The following TENM3 variants were observed in gnomAD, a reference collection of about 807,000 sequenced individuals.
TENM3 encodes teneurin-3.
Under a neutral mutation model 255.1 loss-of-function variants are expected in TENM3, and 63 were observed. The ratio of observed to expected loss-of-function variants is 0.25; its 90% confidence interval spans 0.20 to 0.30. TENM3 has a LOEUF of 0.30. Among genes scored for constraint, TENM3 ranks in the 10% least tolerant of loss-of-function variants. TENM3 has a pLI of 1.00. For synonymous variants in TENM3, 1,306 were observed against 1,322.3 expected (o/e 0.99, Z 0.27); for missense variants, 2,929 against 3,461.1 (o/e 0.85, Z 3.86).
At position 182,701,210 on chromosome 4, in the gene TENM3, C is replaced by CTTTTTTTTT. The variant is rs35538818; in HGVS notation, c.2222-12857_2222-12849dup. 9.5e-3 allele frequency among the ~76,000 whole-genome samples: 366 copies of CTTTTTTTTT among 38,668 alleles called. 136 individuals carry two copies. Among genetic ancestry groups the CTTTTTTTTT allele is most frequent in the South Asian group, 0.019 (12 of 626 alleles). 25.4% of individuals were successfully genotyped at this position (38,668 alleles called of 152,430 possible). ...TTTTCACATACAGTCCAACTCTTGA[C>CTTTTTTTTT]TTTTTTTTTTTTTTTTTTTTTTTTT... On this transcript the variant is annotated intron_variant, in intron 12 of 27. Coordinates refer to ENST00000511685, the MANE Select transcript of TENM3 (RefSeq NM_001080477.4).
the TENM3 span, among the ~76,000 whole-genome samples, chr4:181,904,130 A>G: frequency 6.6e-6 from 1 of 152,136 alleles, no homozygotes; most frequent in African/African-American, 2.4e-5. Flanking sequence ...TTCAGTATCA[A>G]GATCTCTTCT....
intron 24 of TENM3, among the ~76,000 whole-genome samples, chr4:182,784,288 T>G (rs890765405): frequency 1.3e-5 from 2 of 152,104 alleles, no homozygotes; most frequent in Admixed American, 6.6e-5. Flanking sequence ...GACCCTCAGC[T>G]GCAGGTCTGT....
chr4:182,195,049 A>ACACT (rs1753756964), intron 1 of TENM3, among the ~76,000 whole-genome samples: 1 of 151,812 alleles, frequency 6.6e-6, no homozygotes, highest in Non-Finnish European at 1.5e-5. Flanking sequence ...ACACACACAC[A>ACACT]CACACACACA....
chr4:182,653,636 T>G (rs956194030), intron 5 of TENM3, 135 bp from the exon 6 acceptor site: 9 of 936,690 alleles, frequency 9.6e-6, no homozygotes, highest in Admixed American at 3.4e-5. Context: ...TAATTTTCAT[T>G]GCGCAGTTAT....
chr4:182,616,682 T>G (rs1384020859), intron 4 of TENM3, among the ~76,000 whole-genome samples: 1 of 151,882 alleles, frequency 6.6e-6, no homozygotes, highest in Non-Finnish European at 1.5e-5. Flanking sequence ...GCCTCTGCAG[T>G]CTTTCAGTTC....
At chr4:182,338,328 GC>G (rs1326165220) in intron 2 of TENM3, among the ~76,000 whole-genome samples, 1 of 152,102 alleles carries the variant, frequency 6.6e-6, no homozygotes, top group Non-Finnish European at 1.5e-5. Flanking sequence ...AAGGCATTTT[GC>G]CCATTAAGAT....
chr4:182,743,386 C>G lies in TENM3; in HGVS notation c.3596C>G (p.Pro1199Arg), dbSNP rs199716221. ...GDFNYVRRIF[P>R]SGNVTSVLEL... Reference sequence around the variant, plus strand: ...TTCAACTATGTGCGGCGGATATTCCCTTCTGGAAATGTAACAAGTGTCTTA... The same window carrying G: ...TTCAACTATGTGCGGCGGATATTCCGTTCTGGAAATGTAACAAGTGTCTTA... The change falls in exon 19 of 28, where the codon CCT becomes CGT. Residue 1199 changes from proline to arginine, a missense_variant. Transcript: ENST00000511685. The G allele has an allele frequency of 1.1e-4, 179 of 1,613,880 alleles. 1 individual carries two copies. In the East Asian group the frequency reaches 4.0e-3, roughly 36 times the overall value.
chr4:181,778,406 G>A, the TENM3 span, among the ~76,000 whole-genome samples: 2 of 152,092 alleles, frequency 1.3e-5, no homozygotes, highest in Non-Finnish European at 2.9e-5. Flanking sequence ...ATTTATAGAA[G>A]CATCCGCTTC....
the TENM3 span, among the ~76,000 whole-genome samples, chr4:181,750,658 C>T: frequency 6.6e-6 from 1 of 152,136 alleles, no homozygotes; most frequent in African/African-American, 2.4e-5. Context: ...AGATTGTTCC[C>T]CACCAAATAT....
the TENM3 span, among the ~76,000 whole-genome samples, chr4:181,923,573 A>G: frequency 1.3e-5 from 2 of 152,206 alleles, no homozygotes; most frequent in African/African-American, 4.8e-5. Context: ...AAAGCCGATT[A>G]TTAGCCCCCA....
chr4:182,193,614 T>C (rs2149795866), intron 1 of TENM3, among the ~76,000 whole-genome samples: 1 of 152,332 alleles, frequency 6.6e-6, no homozygotes, highest in South Asian at 2.1e-4. Flanking sequence ...AGCATTTTCA[T>C]CTATAATTAC....
At chr4:181,694,571 T>A in the TENM3 span, among the ~76,000 whole-genome samples, 4 of 152,310 alleles carry the variant, frequency 2.6e-5, no homozygotes, top group African/African-American at 9.6e-5. Flanking sequence ...TCTTTACAGG[T>A]TGCTTTCAGT....
At chr4:182,631,766 A>G (rs1403826890) in intron 5 of TENM3, 2 of 152,182 alleles carry the variant, frequency 1.3e-5, no homozygotes, top group Non-Finnish European at 2.9e-5. Flanking sequence ...GACCGTTAAT[A>G]TACAGTAAAA....
chr4:181,971,282 A>G, the TENM3 span, among the ~76,000 whole-genome samples: 1 of 152,172 alleles, frequency 6.6e-6, no homozygotes, highest in African/African-American at 2.4e-5. Flanking sequence ...GCCCCTTCAT[A>G]CTCTGTACCT....
At chr4:182,437,021 T>G (rs1052615731) in intron 3 of TENM3, among the ~76,000 whole-genome samples, 1 of 60,116 alleles carries the variant, frequency 1.7e-5, no homozygotes. Context: ...AGAACGAAAC[T>G]CCGCCTCCAA....
At chr4:182,448,567 G>A (rs1385830488) in intron 3 of TENM3, among the ~76,000 whole-genome samples, 1 of 152,202 alleles carries the variant, frequency 6.6e-6, no homozygotes, top group African/African-American at 2.4e-5. Context: ...TTGTGAGCAC[G>A]GGAAAGTAGC....
rs187124862 is a variant in TENM3, at chr4:182,735,508, G to A, written c.2968-1300G>A. On this transcript the variant is annotated intron_variant, in intron 16 of 27. Coordinates refer to ENST00000511685, the MANE Select transcript of TENM3 (RefSeq NM_001080477.4). ...TCATCTTTAACTGTTCTATGTGGAG[G>A]TGGTGGGGAAAGGGGAAACATTGCT... 4.0e-3 allele frequency among the ~76,000 whole-genome samples: 602 copies of A among 152,340 alleles called. 10 individuals carry two copies. Among genetic ancestry groups the A allele is most frequent in the Admixed American group, 0.032 (488 of 15,294 alleles).
At chr4:182,598,125 G>A (rs758762106) in intron 3 of TENM3, among the ~76,000 whole-genome samples, 22 of 152,194 alleles carry the variant, frequency 1.4e-4, no homozygotes, top group Non-Finnish European at 2.5e-4. Flanking sequence ...AGGCTGCAGT[G>A]AGCTGTGATT....
chr4:182,743,921 T>C (rs1271925082), intron 19 of TENM3, among the ~76,000 whole-genome samples: 1 of 152,124 alleles, frequency 6.6e-6, no homozygotes, highest in Non-Finnish European at 1.5e-5. Flanking sequence ...TTTGCTTTGT[T>C]CATTTAAGTG....
Sources: allele counts gnomAD v4.1 joint callset (sites outside exome capture counted in the v4.1 genomes callset), GRCh38; gene constraint gnomAD v4.1.1; transcripts MANE v1.5; gene names NCBI Gene and HGNC (gene_info 2026-07-23, HGNC 2026-07-21).